The following ANO2 variants were observed in gnomAD, a reference collection of about 807,000 sequenced individuals.
ANO2 encodes anoctamin 2.
ANO2 carries 101 observed loss-of-function variants against 124.2 expected under a neutral mutation model. That is an observed-to-expected ratio of 0.81 (90% CI 0.69 to 0.96). The LOEUF (loss-of-function observed/expected upper bound fraction) is 0.96, where lower values mean the gene tolerates loss of function less well. Among genes scored for constraint, ANO2 ranks in the 40% least tolerant of loss-of-function variants. ANO2 has a pLI of 0.00. For synonymous variants in ANO2, 486 were observed against 482.5 expected, an observed-to-expected ratio of 1.01 and a Z score of -0.09; for missense variants, 1,293 against 1,274.5, an observed-to-expected ratio of 1.01 and a Z score of -0.22.
chr12:5,921,755 T>C (rs2136303495), intron 2 of ANO2, among the ~76,000 whole-genome samples: 1 of 152,132 alleles, frequency 6.6e-6, no homozygotes, highest in East Asian at 1.9e-4. Context: ...CAGCCACCTC[T>C]ACCCTTGTCT....
intron 14 of ANO2, among the ~76,000 whole-genome samples, chr12:5,682,521 G>A (rs755770172): frequency 5.9e-5 from 9 of 152,210 alleles, no homozygotes; most frequent in Non-Finnish European, 8.8e-5. Context: ...TCAAGGGTTC[G>A]GGCTGCAGGC....
At chr12:5,889,854 C>T (rs114233462) in intron 3 of ANO2, among the ~76,000 whole-genome samples, 1 of 152,240 alleles carries the variant, frequency 6.6e-6, no homozygotes, top group African/African-American at 2.4e-5. Context: ...GTCCAAGACC[C>T]TTTACCACCT....
At chr12:5,867,778 G>GAAAAGAAAAAAA (rs752416831) in intron 3 of ANO2, among the ~76,000 whole-genome samples, 1 of 78,540 alleles carries the variant, frequency 1.3e-5, no homozygotes, top group Non-Finnish European at 2.3e-5. Context: ...GCACTATAAT[G>GAAAAGAAAAAAA]AAAAAAAAAA....
At chr12:5,918,854 T>C (rs77011665) in intron 3 of ANO2, among the ~76,000 whole-genome samples, 3 of 152,184 alleles carry the variant, frequency 2.0e-5, no homozygotes, top group Admixed American at 6.5e-5. Context: ...TACCAGACAT[T>C]GTGCTGAAAT....
At chr12:5,899,537 T>A (rs1331056531) in intron 3 of ANO2, among the ~76,000 whole-genome samples, 1 of 152,234 alleles carries the variant, frequency 6.6e-6, no homozygotes, top group Non-Finnish European at 1.5e-5. Context: ...CAACAATTGC[T>A]ACTTCACAAC....
intron 3 of ANO2, among the ~76,000 whole-genome samples, chr12:5,867,630 T>C (rs1955461184): frequency 6.6e-6 from 1 of 152,136 alleles, no homozygotes; most frequent in Non-Finnish European, 1.5e-5. Flanking sequence ...TGGCTCTGGC[T>C]CCAGCAGACT....
chr12:5,826,437 CATATATATAT>C (rs10526567), intron 7 of ANO2, among the ~76,000 whole-genome samples: 292 of 144,304 alleles, frequency 2.0e-3, no homozygotes, highest in African/African-American at 7.7e-3. Flanking sequence ...TTAATAAACT[CATATATATAT>C]ATATATATAT....
chr12:5,597,584 C>A (rs183249723), intron 20 of ANO2, among the ~76,000 whole-genome samples: 45 of 152,304 alleles, frequency 3.0e-4, no homozygotes, highest in African/African-American at 8.7e-4. Context: ...GCTCTAATCA[C>A]CCAAAAGAGG....
intron 3 of ANO2, 107 bp downstream of exon 3, chr12:5,920,933 C>T (rs1941660989): frequency 7.7e-7 from 1 of 1,301,194 alleles, no homozygotes; most frequent in Non-Finnish European, 1.0e-6. Flanking sequence ...AAAAAGTCCA[C>T]CTGCCAGAAT....
At chr12:5,888,877 G>T (rs1939174556) in intron 3 of ANO2, among the ~76,000 whole-genome samples, 4 of 152,230 alleles carry the variant, frequency 2.6e-5, no homozygotes, top group African/African-American at 9.6e-5. Context: ...CTGCCTGCCA[G>T]TCCCACGCCG....
At position 5,903,674 on chromosome 12, in the gene ANO2, T is replaced by TGG. The variant is rs1555181064; in HGVS notation, c.534+17365_534+17366insCC. Among the ~76,000 whole-genome samples the TGG allele has an allele frequency of 2.8e-3, 420 of 151,828 alleles. 3 individuals are homozygous for TGG. The highest frequency in any genetic ancestry group is 9.1e-3 in the African/African-American group (374 of 41,302). On this transcript the variant is annotated intron_variant, in intron 3 of 24. Transcript: ENST00000682330. ...GTGTGTGTGTGTGTGTGTGTGTGTG[T>TGG]GTGGGTGTAGACAGCAAGGTCTGTG...
intron 1 of ANO2, among the ~76,000 whole-genome samples, chr12:5,944,531 G>C (rs1441925298): frequency 1.3e-5 from 2 of 152,182 alleles, no homozygotes; most frequent in African/African-American, 4.8e-5. Context: ...CCCTGTCCCA[G>C]GCAAAGTCAG....
At chr12:5,930,527 G>A (rs1942318156) in intron 1 of ANO2, among the ~76,000 whole-genome samples, 1 of 152,186 alleles carries the variant, frequency 6.6e-6, no homozygotes, top group South Asian at 2.1e-4. Context: ...AGAAGAGTAG[G>A]CAACCATGGT....
chr12:5,576,053 T>G, intron 22 of ANO2, 38 bp from the exon 23 acceptor site: 2 of 1,547,492 alleles, frequency 1.3e-6, no homozygotes, highest in Non-Finnish European at 1.8e-6. Flanking sequence ...TAGCCAGGAT[T>G]GATGCTAAAA....
At chr12:5,835,861 A>C (rs1453533732) in intron 4 of ANO2, among the ~76,000 whole-genome samples, 1 of 152,236 alleles carries the variant, frequency 6.6e-6, no homozygotes, top group Non-Finnish European at 1.5e-5. Flanking sequence ...GGATGGAGAC[A>C]GAAAGAAGAC....
chr12:5,797,632 T>C (rs1218742890), intron 10 of ANO2, among the ~76,000 whole-genome samples: 2 of 151,908 alleles, frequency 1.3e-5, no homozygotes, highest in Non-Finnish European at 2.9e-5. Flanking sequence ...GGTCAGAGAG[T>C]TCCTTATGCC....
At chr12:5,851,832 C>A in intron 4 of ANO2, 1 of 685,542 alleles carries the variant, frequency 1.5e-6, no homozygotes, top group Non-Finnish European at 2.7e-6. Context: ...GGAAGGAAAG[C>A]AAAGAGGGAA....
At position 5,904,300 on chromosome 12, in the gene ANO2, C is replaced by G. The variant is rs1940524524; in HGVS notation, c.534+16740G>C. On this transcript the variant is annotated intron_variant, in intron 3 of 24. Coordinates refer to ENST00000682330, the MANE Select transcript of ANO2 (RefSeq NM_001364791.2). This position sits in a 1 kb window ranked among gnomAD's most constrained non-coding sequence, Gnocchi z 4.1. Reference sequence around the variant, plus strand: ...CAGAACCTGCTCCACCTGCTGGTGCCCAATACACCACCATTCACCTAAGGC... The same window carrying G: ...CAGAACCTGCTCCACCTGCTGGTGCGCAATACACCACCATTCACCTAAGGC... Among the ~76,000 whole-genome samples, 1 of 152,156 alleles carries G rather than the reference C, an allele frequency of 6.6e-6. No individual in the cohort carries two copies. Among genetic ancestry groups the G allele is most frequent in the East Asian group, 1.9e-4 (1 of 5,196 alleles).
chr12:5,798,972 A>G (rs1017730002), intron 10 of ANO2, among the ~76,000 whole-genome samples: 4 of 152,258 alleles, frequency 2.6e-5, no homozygotes, highest in Non-Finnish European at 4.4e-5. Context: ...CCAAGGTGCC[A>G]GAAAACAGGA....
Sources: gnomAD v4.1 joint callset for allele counts (sites outside exome capture counted in the v4.1 genomes callset) on GRCh38, gnomAD v4.1.1 for gene constraint, Gnocchi (gnomAD v3.1) non-coding constraint, MANE v1.5 for transcripts, NCBI Gene and HGNC (gene_info 2026-07-23, HGNC 2026-07-21) for gene names.